Variants in MTTP observed in about 807,000 individuals in gnomAD.
MTTP encodes the protein microsomal triglyceride transfer protein.
In MTTP, 49 loss-of-function variants were observed where a neutral mutation model predicts 90.6. That is an observed-to-expected ratio of 0.54 (90% confidence interval 0.43 to 0.69). The LOEUF is 0.69. Ranked by LOEUF, MTTP falls within the 30% of genes least tolerant of loss-of-function variation. The pLI is 0.00. For synonymous variants in MTTP, 347 were observed against 384.2 expected, an observed-to-expected ratio of 0.90 and a Z score of 1.13; for missense variants, 945 against 1,067.5, an observed-to-expected ratio of 0.89 and a Z score of 1.60.
At chr4:99,604,801 C>T (rs919351716) in intron 10 of MTTP, among the ~76,000 whole-genome samples, 1 of 152,072 alleles carries the variant, frequency 6.6e-6, no homozygotes, top group Admixed American at 6.6e-5. Flanking sequence ...CTGTGGTTTT[C>T]GAGAACACCA....
At chr4:99,621,944 T>A (rs545685463) in intron 17 of MTTP, among the ~76,000 whole-genome samples, 1 of 152,308 alleles carries the variant, frequency 6.6e-6, no homozygotes, top group East Asian at 1.9e-4. Flanking sequence ...ATTTGTACAG[T>A]TAAAACAGCA....
chr4:99,611,352 A>G lies in MTTP; in HGVS notation c.1888A>G (p.Thr630Ala), dbSNP rs368679444. 158 of 1,613,922 alleles carry G rather than the reference A, an allele frequency of 9.8e-5. No individual in the cohort carries two copies. Among genetic ancestry groups the G allele is most frequent in the Non-Finnish European group, 1.3e-4 (152 of 1,179,930 alleles). Reference protein sequence around the residue: ...YIERSPRSASTYSLDILYSGS... With the variant: ...YIERSPRSASAYSLDILYSGS... The stretch of plus-strand genomic sequence containing the variant: ...ATCAGGTAGTCCCCGTTCGGCATCT[A>G]CTTACAGCCTAGACATTCTCTACTC... Residue 630 changes from threonine (T) to alanine (A), a missense_variant, in exon 14 of 18, where the codon ACT (threonine) becomes GCT (alanine). By Grantham distance (58) the Thr-to-Ala change is moderately conservative. Transcript: ENST00000265517.
chr4:99,579,056 A>T (rs893527572), intron 1 of MTTP, among the ~76,000 whole-genome samples: 2 of 152,164 alleles, frequency 1.3e-5, no homozygotes, highest in Non-Finnish European at 2.9e-5. Context: ...CATCCCCTTC[A>T]AGGTTTTTCC....
intron 1 of MTTP, among the ~76,000 whole-genome samples, chr4:99,565,271 T>G (rs556311717): frequency 6.6e-5 from 10 of 152,320 alleles, no homozygotes; most frequent in African/African-American, 2.4e-4. Flanking sequence ...ATACCTGGCC[T>G]CCTTAGATAT....
intron 5 of MTTP, 55 bp downstream of exon 5, chr4:99,591,406 C>T: frequency 7.5e-7 from 1 of 1,327,468 alleles, no homozygotes; most frequent in Non-Finnish European, 1.1e-6. Context: ...TTTGTAGAGA[C>T]TAATTTAATG....
upstream of MTTP, among the ~76,000 whole-genome samples, chr4:99,574,484 T>C (rs1026897852): frequency 5.9e-5 from 9 of 152,204 alleles, no homozygotes; most frequent in African/African-American, 1.9e-4. Flanking sequence ...CCACATAGTA[T>C]TGTAATGTGA....
intron 5 of MTTP, 146 bp from the exon 6 acceptor site, chr4:99,591,505 C>G (rs1725419392): frequency 9.3e-7 from 1 of 1,079,378 alleles, no homozygotes; most frequent in African/African-American, 1.6e-5. Flanking sequence ...ATGAATAGAC[C>G]CATTTCAATT....
intron 1 of MTTP, among the ~76,000 whole-genome samples, chr4:99,566,653 C>G (rs1724709845): frequency 6.6e-6 from 1 of 152,134 alleles, no homozygotes; most frequent in Non-Finnish European, 1.5e-5. Flanking sequence ...AATATGAAAT[C>G]TGGTTTTAAA....
intron 3 of MTTP, among the ~76,000 whole-genome samples, chr4:99,587,958 G>T (rs1468940857): frequency 1.3e-5 from 2 of 152,110 alleles, no homozygotes; most frequent in Non-Finnish European, 2.9e-5. Context: ...AGACACTGAG[G>T]TCATTATTCC....
chr4:99,576,489 A>G (rs1045872631), intron 1 of MTTP, among the ~76,000 whole-genome samples: 1 of 151,702 alleles, frequency 6.6e-6, no homozygotes, highest in Admixed American at 6.6e-5. Flanking sequence ...AGGTCAGGAG[A>G]TCGAGACCAT....
chr4:99,601,596 T>C lies in MTTP; in HGVS notation c.1237-11T>C. 1 of 1,579,488 alleles carries C rather than the reference T, an allele frequency of 6.3e-7. No homozygotes were observed. The highest frequency in any genetic ancestry group is 8.7e-7 in the Non-Finnish European group (1 of 1,148,884). On this transcript the variant is annotated splice_polypyrimidine_tract_variant and intron_variant, in intron 9 of 17. Transcript: ENST00000265517. ...TCTTGGTAACCTATTTTATCCCTGT[T>C]TGGTTAATAGAGTAAGTTCAAAGGT...
intron 3 of MTTP, among the ~76,000 whole-genome samples, chr4:99,588,188 T>C (rs1206776722): frequency 6.6e-6 from 1 of 152,166 alleles, no homozygotes; most frequent in Non-Finnish European, 1.5e-5. Context: ...ACTAAATTAC[T>C]GAGCTTGGTA....
chr4:99,578,261 A>G (rs1188519090), intron 1 of MTTP, among the ~76,000 whole-genome samples: 1 of 152,220 alleles, frequency 6.6e-6, no homozygotes, highest in African/African-American at 2.4e-5. Context: ...AGAGATTCTG[A>G]CTTTTTTGGC....
At chr4:99,590,408 AGT>A (rs1381289678) in intron 4 of MTTP, among the ~76,000 whole-genome samples, 1 of 152,178 alleles carries the variant, frequency 6.6e-6, no homozygotes, top group Non-Finnish European at 1.5e-5. Flanking sequence ...GTATTTTAAC[AGT>A]CTTTGTGGAT....
chr4:99,565,619 G>T (rs1724666617), intron 1 of MTTP, among the ~76,000 whole-genome samples: 1 of 152,158 alleles, frequency 6.6e-6, no homozygotes, highest in African/African-American at 2.4e-5. Flanking sequence ...TGCTCTCTGT[G>T]CTTAAGGAAT....
At chr4:99,574,712 C>T (rs565172986), upstream of MTTP, 17 of 1,232,600 alleles carry the variant, frequency 1.4e-5, no homozygotes, top group East Asian at 5.1e-5. Context: ...AGCCCACCTA[C>T]GTTTAATCAT....
At position 99,622,980 on chromosome 4, in the gene MTTP, A is replaced by C; in HGVS notation, c.*132A>C. ...ATTTAAGATTTTTGTAAAAAGCTAC[A>C]AAAAACTGCAGTTTGATCAAATTTG... On this transcript the variant is annotated 3_prime_UTR_variant, in exon 18 of 18. Coordinates refer to ENST00000265517, the MANE Select transcript of MTTP (RefSeq NM_001386140.1). The C allele has an allele frequency of 9.0e-7, 1 of 1,111,788 alleles. No individual in the cohort carries two copies. Among genetic ancestry groups the C allele is most frequent in the South Asian group, 1.3e-5 (1 of 78,254 alleles). The allele number at this position is 1,111,788 out of a possible 1,614,324, so 68.9% of individuals were successfully genotyped here.
chr4:99,618,917 G>T, intron 15 of MTTP, 57 bp from the exon 16 acceptor site: 1 of 1,590,990 alleles, frequency 6.3e-7, no homozygotes, highest in Non-Finnish European at 8.6e-7. Context: ...TTGGAAAGGG[G>T]GTTAACTAAA....
In MTTP at chr4:99,591,269, A is replaced by C; in HGVS notation, c.536A>C (p.Gln179Pro). 1 of 1,613,938 alleles carries C rather than the reference A, an allele frequency of 6.2e-7. No homozygotes were observed. The highest frequency in any genetic ancestry group is 8.5e-7 in the Non-Finnish European group (1 of 1,179,810). ...TCTGGAAATTGTAAAGTGACCTACC[A>C]GGCTCATCAAGACAAAGTGATCAAA... Reference protein sequence around the residue: ...DISGNCKVTYQAHQDKVIKIK... With the variant: ...DISGNCKVTYPAHQDKVIKIK... Residue 179 changes from glutamine (Q) to proline (P), a missense_variant, in exon 5 of 18, where the codon CAG becomes CCG. Coordinates refer to ENST00000265517, the MANE Select transcript of MTTP (RefSeq NM_001386140.1).
Sources: gnomAD v4.1 joint callset for allele counts (sites outside exome capture counted in the v4.1 genomes callset) on GRCh38, gnomAD v4.1.1 for gene constraint, MANE v1.5 for transcripts, NCBI Gene and HGNC (gene_info 2026-07-23, HGNC 2026-07-21) for gene names.